ARMC7: variants seen among roughly 807,000 people sequenced by gnomAD.
ARMC7 encodes the protein armadillo repeat containing 7, also known as armadillo repeat-containing protein 7.
A neutral mutation model predicts 14.8 loss-of-function variants in ARMC7; 9 were observed. The observed-to-expected ratio is 0.61, with a 90% CI of 0.37 to 1.06. The LOEUF (loss-of-function observed/expected upper bound fraction) is 1.06. Among genes scored for constraint, ARMC7 ranks in the 50% least tolerant of loss-of-function variants. The pLI, the probability that ARMC7 is intolerant of heterozygous loss-of-function variation, is 0.01. For missense variants in ARMC7, 262 were observed against 267.1 expected, an observed-to-expected ratio of 0.98 and a Z score of 0.13; for synonymous variants, 125 against 123.4, an observed-to-expected ratio of 1.01 and a Z score of -0.09.
At chr17:75,115,353 A>G (rs1189715582) in intron 2 of ARMC7, among the ~76,000 whole-genome samples, 2 of 152,192 alleles carry the variant, frequency 1.3e-5, no homozygotes, top group African/African-American at 4.8e-5. Flanking sequence ...CAGCCTGGCC[A>G]ACATGGCAAA....
At chr17:75,111,621 C>A (rs1488880009) in intron 2 of ARMC7, among the ~76,000 whole-genome samples, 1 of 151,558 alleles carries the variant, frequency 6.6e-6, no homozygotes, top group East Asian at 1.9e-4. Flanking sequence ...GCGTGGTGTC[C>A]CAGCTACTCA....
At position 75,129,134 on chromosome 17, in the gene ARMC7, G is replaced by A. The variant is rs2074080253; in HGVS notation, c.*96G>A. On this transcript the variant is annotated 3_prime_UTR_variant, in exon 3 of 3. Coordinates refer to ENST00000245543, the MANE Select transcript of ARMC7 (RefSeq NM_024585.4). ...GGGGAGCACATACTGCCCCATTGGT[G>A]CCTTTTCAGCCATCTGAAAGGCGGG... 2 of 1,454,850 alleles carry A rather than the reference G, an allele frequency of 1.4e-6. No individual in the cohort carries two copies. The highest frequency in any genetic ancestry group is 1.4e-5 in the South Asian group (1 of 71,224). The allele number at this position is 1,454,850 out of a possible 1,614,324, so 90.1% of individuals were successfully genotyped here. A position where few individuals can be genotyped will look rare whatever the true frequency, so the allele number is the denominator to read the frequency against.
intron 2 of ARMC7, among the ~76,000 whole-genome samples, chr17:75,122,847 T>A (rs2145130421): frequency 6.9e-6 from 1 of 144,782 alleles, no homozygotes; most frequent in Non-Finnish European, 1.5e-5. Flanking sequence ...TCAGTAAGTG[T>A]GAAGGAAAGA....
At chr17:75,126,308 C>A (rs1317115437) in intron 2 of ARMC7, among the ~76,000 whole-genome samples, 1 of 152,108 alleles carries the variant, frequency 6.6e-6, no homozygotes, top group Non-Finnish European at 1.5e-5. Context: ...ATTGAGGGGG[C>A]CTGACTTGAG....
intron 2 of ARMC7, among the ~76,000 whole-genome samples, chr17:75,123,843 G>A (rs767677849): frequency 3.2e-4 from 49 of 152,120 alleles, no homozygotes; most frequent in Middle Eastern, 3.4e-3. Context: ...CCCGGGAGGC[G>A]GAGGTTGCAG....
At chr17:75,117,140 A>G (rs932003668) in intron 2 of ARMC7, among the ~76,000 whole-genome samples, 2 of 152,122 alleles carry the variant, frequency 1.3e-5, no homozygotes, top group African/African-American at 4.8e-5. Flanking sequence ...GCAATGGTGC[A>G]ATCTCGTCTC....
chr17:75,127,659 G>A (rs946978929), intron 2 of ARMC7, among the ~76,000 whole-genome samples: 46 of 151,924 alleles, frequency 3.0e-4, no homozygotes, highest in African/African-American at 2.2e-4. Context: ...GCAGTGGTGC[G>A]TTCATGGCTT....
chr17:75,128,587 A>T, intron 2 of ARMC7, 90 bp from the exon 3 acceptor site: 1 of 1,502,120 alleles, frequency 6.7e-7, no homozygotes, highest in Non-Finnish European at 8.9e-7. Flanking sequence ...GCTTCTCAAC[A>T]GCCTGGGCCC....
chr17:75,128,929 TC>T lies in ARMC7; in HGVS notation c.490del (p.Leu164TrpfsTer86). The T allele has an allele frequency of 6.2e-7, 1 of 1,608,258 alleles. No individual in the cohort carries two copies. The highest frequency in any genetic ancestry group is 8.5e-7 in the Non-Finnish European group (1 of 1,179,724). Reference protein sequence around the residue: ...SARLRNLAQIFLEDFCSPRQV... With the variant: ...SARLRNLAQIXLEDFCSPRQV... ...AGGCTCCGGAACCTGGCACAGATCT[TC>T]CTGGAGGACTTCTGCTCCCCCCGCC... On this transcript the variant is annotated frameshift_variant, in exon 3 of 3. Coordinates refer to ENST00000245543, the MANE Select transcript of ARMC7 (RefSeq NM_024585.4). LOFTEE classifies it high-confidence loss of function.
chr17:75,116,951 C>T (rs1353568069), intron 2 of ARMC7, among the ~76,000 whole-genome samples: 1 of 152,166 alleles, frequency 6.6e-6, no homozygotes, highest in Non-Finnish European at 1.5e-5. Flanking sequence ...TTTGGCCCAG[C>T]ACTTCTGCCT....
chr17:75,111,583 T>TA (rs913673713), intron 2 of ARMC7, among the ~76,000 whole-genome samples: 3,182 of 132,954 alleles, frequency 0.024, 88 homozygotes, highest in African/African-American at 0.065. Flanking sequence ...ATCTCTGCTT[T>TA]AAAAAAAAAA....
chr17:75,121,121 A>T (rs532173691), intron 2 of ARMC7, among the ~76,000 whole-genome samples: 90 of 152,270 alleles, frequency 5.9e-4, no homozygotes, highest in African/African-American at 2.1e-3. Flanking sequence ...TGTTTTTCAG[A>T]TTCATCCAAA....
chr17:75,129,217 A>G lies in ARMC7; in HGVS notation c.*179A>G. 1.2e-6 allele frequency: 1 copy of G among 838,012 alleles called. No homozygotes were observed. The highest frequency in any genetic ancestry group is 1.8e-6 in the Non-Finnish European group (1 of 559,342). 51.9% of individuals were successfully genotyped at this position (838,012 alleles called of 1,614,324 possible). A position where few individuals can be genotyped will look rare whatever the true frequency, so the allele number is the denominator to read the frequency against. On this transcript the variant is annotated 3_prime_UTR_variant, in exon 3 of 3. Coordinates refer to ENST00000245543, the MANE Select transcript of ARMC7 (RefSeq NM_024585.4). ...AAACGCCACTGGGAGTGAGGAAGCCAGACTCCAGAGACACGGAGAAGATCA... is the reference window on the plus strand; with the variant it reads ...AAACGCCACTGGGAGTGAGGAAGCCGGACTCCAGAGACACGGAGAAGATCA...
At chr17:75,114,626 GTC>G (rs2073959983) in intron 2 of ARMC7, 4 of 396,830 alleles carry the variant, frequency 1.0e-5, no homozygotes, top group Non-Finnish European at 1.8e-5. Flanking sequence ...GTGCATCTGT[GTC>G]TCTGTGCAGG....
intron 2 of ARMC7, among the ~76,000 whole-genome samples, chr17:75,120,386 C>T (rs900411939): frequency 9.9e-5 from 15 of 152,136 alleles, no homozygotes; most frequent in African/African-American, 3.1e-4. Context: ...CCAGGGTTCT[C>T]GTGTAGAGTT....
At chr17:75,123,205 ATT>A (rs555791092) in intron 2 of ARMC7, among the ~76,000 whole-genome samples, 44 of 125,460 alleles carry the variant, frequency 3.5e-4, no homozygotes, top group Admixed American at 3.3e-4. Flanking sequence ...GGCCCAGCTA[ATT>A]TTTTTTTTTT....
intron 2 of ARMC7, among the ~76,000 whole-genome samples, chr17:75,120,826 A>G (rs995714984): frequency 6.6e-6 from 1 of 152,076 alleles, no homozygotes; most frequent in Non-Finnish European, 1.5e-5. Context: ...AAAAAAAAAA[A>G]AAAAAAAAGA....
intron 2 of ARMC7, among the ~76,000 whole-genome samples, chr17:75,128,153 C>T (rs2074065651): frequency 6.6e-6 from 1 of 152,110 alleles, no homozygotes; most frequent in African/African-American, 2.4e-5. Flanking sequence ...CGGCTCACTG[C>T]AACCTCCGAG....
chr17:75,110,489 C>CTCGCCAACT lies in ARMC7; in HGVS notation c.123_131dup (p.Asn42_Ala44dup), dbSNP rs769199617. 107 of 1,614,276 alleles carry CTCGCCAACT rather than the reference C, an allele frequency of 6.6e-5. No homozygotes were observed. Among genetic ancestry groups the CTCGCCAACT allele is most frequent in the Non-Finnish European group, 9.0e-5 (106 of 1,180,050 alleles). On this transcript the variant is annotated inframe_insertion, in exon 2 of 3. Transcript: ENST00000245543. Reference sequence around the variant, plus strand: ...CGCCAAGGAGCAAGTCCTCGCCAACCTCGCCAACTTCGCTTATGACCCCAG... The same window carrying CTCGCCAACT: ...CGCCAAGGAGCAAGTCCTCGCCAACCTCGCCAACTTCGCCAACTTCGCTTATGACCCCAG...
Sources: allele counts gnomAD v4.1 joint callset (sites outside exome capture counted in the v4.1 genomes callset), GRCh38; gene constraint gnomAD v4.1.1; transcripts MANE v1.5; gene names NCBI Gene and HGNC (gene_info 2026-07-23, HGNC 2026-07-21).